Variants in NFATC2 observed in about 807,000 individuals in gnomAD.
NFATC2 encodes nuclear factor of activated T cells 2, also known as nuclear factor of activated T-cells, cytoplasmic 2.
A neutral mutation model predicts 87.3 loss-of-function variants in NFATC2; 22 were observed. The observed-to-expected ratio is 0.25, with a 90% CI of 0.18 to 0.36. NFATC2 has a LOEUF of 0.36. Among genes scored for constraint, NFATC2 ranks in the 10% least tolerant of loss-of-function variants. The pLI, the probability that NFATC2 is intolerant of heterozygous loss-of-function variation, is 1.00. For synonymous variants in NFATC2, 565 were observed against 542.2 expected, an observed-to-expected ratio of 1.04 and a Z score of -0.58; for missense variants, 1,149 against 1,259.1, an observed-to-expected ratio of 0.91 and a Z score of 1.32.
chr20:51,426,274 T>C (rs919013233), intron 9 of NFATC2, among the ~76,000 whole-genome samples: 1 of 151,638 alleles, frequency 6.6e-6, no homozygotes, highest in Non-Finnish European at 1.5e-5. Context: ...AGGTCAGGAG[T>C]TCGAGACCAG....
rs1260563344 is a variant in NFATC2, at chr20:51,478,753, G to A, written c.1333-3093C>T. On this transcript the variant is annotated intron_variant, in intron 3 of 10. Coordinates refer to ENST00000371564, the MANE Select transcript of NFATC2 (RefSeq NM_012340.5). ...CCAAACTCTGTGTGATAGTCTAAGA[G>A]CCTTCCCACAGCCCAGCCTCTGCCT... 3.3e-5 allele frequency among the ~76,000 whole-genome samples: 5 copies of A among 152,244 alleles called. No individual in the cohort carries two copies. In the South Asian group the frequency reaches 1.0e-3, roughly 32 times the overall value.
chr20:51,483,330 A>G (rs1411526243), intron 3 of NFATC2, among the ~76,000 whole-genome samples: 1 of 139,586 alleles, frequency 7.2e-6, no homozygotes, highest in Non-Finnish European at 1.5e-5. Context: ...TTACTAAAAT[A>G]AAACATTAAC....
At chr20:51,504,360 T>C (rs532521604) in intron 3 of NFATC2, among the ~76,000 whole-genome samples, 2 of 152,284 alleles carry the variant, frequency 1.3e-5, no homozygotes, top group Admixed American at 1.3e-4. Context: ...AGTCTTGAAC[T>C]CCCGGCCTCA....
chr20:51,525,324 C>T (rs566625795), intron 1 of NFATC2, among the ~76,000 whole-genome samples: 10 of 152,190 alleles, frequency 6.6e-5, no homozygotes, highest in Non-Finnish European at 7.3e-5. Flanking sequence ...GCTGCCACCT[C>T]GAAAGGCCCT....
In NFATC2 at chr20:51,457,920, C is replaced by T. The variant is rs6021219; in HGVS notation, c.1709-3232G>A. ...TTTTTTTTTGAGACATGGTCTTGCT[C>T]TGTCACCCAGGCAGGAGTACAGTGG... is the stretch of plus-strand genomic sequence containing the variant. On this transcript the variant is annotated intron_variant, in intron 5 of 10. Coordinates refer to ENST00000371564, the MANE Select transcript of NFATC2 (RefSeq NM_012340.5). 6.5e-3 allele frequency among the ~76,000 whole-genome samples: 941 copies of T among 145,212 alleles called. 10 individuals are homozygous for T. Among genetic ancestry groups the T allele is most frequent in the African/African-American group, 0.023 (899 of 39,268 alleles).
At chr20:51,476,212 T>C (rs1470971525) in intron 3 of NFATC2, among the ~76,000 whole-genome samples, 38 of 140,526 alleles carry the variant, frequency 2.7e-4, no homozygotes, top group Non-Finnish European at 3.4e-4. Context: ...TATCTCCTAA[T>C]GCTATCCCTC....
upstream of NFATC2, among the ~76,000 whole-genome samples, chr20:51,545,145 A>G (rs2076878820): frequency 6.6e-6 from 1 of 152,188 alleles, no homozygotes. Flanking sequence ...TGGCCAATAA[A>G]CAAGAAAACC....
chr20:51,402,036 G>A (rs1378133789), intron 9 of NFATC2, among the ~76,000 whole-genome samples: 1 of 152,182 alleles, frequency 6.6e-6, no homozygotes, highest in African/African-American at 2.4e-5. Context: ...CTGGTCTAAG[G>A]GACGTCCAGT....
intron 3 of NFATC2, among the ~76,000 whole-genome samples, chr20:51,508,407 G>A (rs891208315): frequency 1.3e-5 from 2 of 152,148 alleles, no homozygotes; most frequent in African/African-American, 4.8e-5. Flanking sequence ...GGACACGTGC[G>A]GCGGGGCAGA....
intron 6 of NFATC2, among the ~76,000 whole-genome samples, chr20:51,449,801 T>C (rs1322486859): frequency 6.6e-6 from 1 of 152,194 alleles, no homozygotes; most frequent in Non-Finnish European, 1.5e-5. Context: ...GAGAAAACAG[T>C]AGTCTATCTT....
intron 6 of NFATC2, among the ~76,000 whole-genome samples, chr20:51,439,538 G>A (rs890128956): frequency 7.2e-5 from 11 of 152,188 alleles, no homozygotes; most frequent in Non-Finnish European, 1.0e-4. Context: ...AAAGTGAGGC[G>A]GTGAGCCGCC....
rs1196939521 is a variant in NFATC2, at chr20:51,480,259, G to A, written c.1333-4599C>T. On this transcript the variant is annotated intron_variant, in intron 3 of 10. Coordinates refer to ENST00000371564, the MANE Select transcript of NFATC2 (RefSeq NM_012340.5). The surrounding 1 kb of genome is among the most constrained non-coding windows in gnomAD (Gnocchi z 4.2). ...GCCGATATTGCACCACTGCACTCCC[G>A]CCTGGGTCACAAAGCAAGACTCTGT... 2.0e-5 allele frequency among the ~76,000 whole-genome samples: 3 copies of A among 151,532 alleles called. No individual in the cohort carries two copies. Among genetic ancestry groups the A allele is most frequent in the Non-Finnish European group, 4.4e-5 (3 of 68,000 alleles).
chr20:51,423,518 A>C (rs948654404), intron 9 of NFATC2, among the ~76,000 whole-genome samples: 5 of 152,176 alleles, frequency 3.3e-5, no homozygotes, highest in African/African-American at 1.2e-4. Context: ...AGTAAGAATG[A>C]AACTACAAAG....
chr20:51,517,054 G>T, intron 2 of NFATC2, 99 bp from the exon 3 acceptor site: 1 of 1,163,524 alleles, frequency 8.6e-7, no homozygotes, highest in African/African-American at 1.5e-5. Context: ...CATGGATACA[G>T]TCATGTATTG....
chr20:51,504,308 G>A (rs1050329914), intron 3 of NFATC2, among the ~76,000 whole-genome samples: 1 of 152,050 alleles, frequency 6.6e-6, no homozygotes, highest in Non-Finnish European at 1.5e-5. Flanking sequence ...AGGAATTTTT[G>A]TATTTTCAGT....
At chr20:51,445,549 A>G (rs1984949829) in intron 6 of NFATC2, among the ~76,000 whole-genome samples, 2 of 152,244 alleles carry the variant, frequency 1.3e-5, no homozygotes, top group African/African-American at 4.8e-5. Context: ...TGTATAGAAC[A>G]TACTTTTACT....
At chr20:51,469,292 T>C (rs1987983681) in intron 5 of NFATC2, among the ~76,000 whole-genome samples, 1 of 152,176 alleles carries the variant, frequency 6.6e-6, no homozygotes. Context: ...ACTGAGATTA[T>C]AGACGTGAGC....
chr20:51,548,766 A>G (rs2076909380), intron 1 of NFATC2, among the ~76,000 whole-genome samples: 1 of 152,236 alleles, frequency 6.6e-6, no homozygotes, highest in African/African-American at 2.4e-5. Flanking sequence ...GGCGCCCAAC[A>G]GAGCTTCTAC....
rs1465834814 is a variant in NFATC2 at position 51,555,873 on chromosome 20, T to C, written c.70+6687A>G. 2.0e-5 allele frequency among the ~76,000 whole-genome samples: 3 copies of C among 152,236 alleles called. No individual in the cohort carries two copies. The East Asian group carries it at 5.8e-4, about 29-fold the overall frequency. ...CCAGCCCGAATGAGGAATCCTACTC[T>C]TGTAGATTGAATCGTCCCTCCTGAC... On this transcript the variant is annotated intron_variant, in intron 1 of 10. Coordinates refer to the NFATC2 transcript ENST00000414705.
Sources: allele counts gnomAD v4.1 joint callset (sites outside exome capture counted in the v4.1 genomes callset), GRCh38; gene constraint gnomAD v4.1.1; non-coding constraint Gnocchi (gnomAD v3.1); transcripts MANE v1.5; gene names NCBI Gene and HGNC (gene_info 2026-07-23, HGNC 2026-07-21).